DOCK1: variants seen among roughly 807,000 people sequenced by gnomAD.
DOCK1 encodes the protein dedicator of cytokinesis 1, also known as dedicator of cytokinesis protein 1.
DOCK1 carries 138 observed loss-of-function variants against 262.7 expected under a neutral mutation model. The observed-to-expected ratio is 0.53, with a 90% CI of 0.46 to 0.61. The LOEUF (loss-of-function observed/expected upper bound fraction) is 0.61, where lower values mean the gene tolerates loss of function less well. Among genes scored for constraint, DOCK1 ranks in the 20% least tolerant of loss-of-function variants. DOCK1 has a pLI of 0.00. For missense variants in DOCK1, 1,908 were observed against 2,370.7 expected (o/e 0.80, Z 4.05); for synonymous variants, 866 against 867.4 (o/e 1.00, Z 0.03).
chr10:127,442,786 A>T (rs1222933822), intron 49 of DOCK1, among the ~76,000 whole-genome samples: 1 of 152,220 alleles, frequency 6.6e-6, no homozygotes, highest in African/African-American at 2.4e-5. Context: ...GCCATGGAAC[A>T]GGCCATTGAT....
intron 46 of DOCK1, among the ~76,000 whole-genome samples, chr10:127,420,641 T>C (rs778281698): frequency 5.7e-4 from 87 of 152,162 alleles, no homozygotes; most frequent in Non-Finnish European, 1.1e-3. Flanking sequence ...GGCCCAGAGA[T>C]GCTGTGCAGT....
chr10:127,101,626 G>A (rs961233642), intron 23 of DOCK1, among the ~76,000 whole-genome samples: 23 of 152,316 alleles, frequency 1.5e-4, no homozygotes, highest in Middle Eastern at 3.4e-3. Context: ...ACCACGGCAG[G>A]GAAGACTTTG....
At chr10:127,255,416 AAAAC>A (rs2059797646) in intron 28 of DOCK1, among the ~76,000 whole-genome samples, 1 of 152,188 alleles carries the variant, frequency 6.6e-6, no homozygotes, top group Non-Finnish European at 1.5e-5. Flanking sequence ...AATAGAAACT[AAAAC>A]AAAAAATGCA....
chr10:127,358,000 T>G (rs1418441800), intron 32 of DOCK1, among the ~76,000 whole-genome samples: 1 of 152,152 alleles, frequency 6.6e-6, no homozygotes, highest in Non-Finnish European at 1.5e-5. Context: ...CATAGTTTTT[T>G]TTTTTTTATT....
intron 25 of DOCK1, among the ~76,000 whole-genome samples, chr10:127,114,481 A>C (rs1034018307): frequency 6.6e-6 from 1 of 152,160 alleles, no homozygotes; most frequent in African/African-American, 2.4e-5. Flanking sequence ...GAGAGGGAGA[A>C]GAGTGAGAGA....
intron 50 of DOCK1, 81 bp from the exon 51 acceptor site, chr10:127,447,313 G>C (rs1330547315): frequency 1.3e-6 from 2 of 1,544,464 alleles, no homozygotes; most frequent in African/African-American, 2.7e-5. Context: ...GCCTCTCTGG[G>C]AGGGAACGTG....
chr10:126,912,304 C>T (rs1185787173), intron 1 of DOCK1, among the ~76,000 whole-genome samples: 1 of 151,990 alleles, frequency 6.6e-6, no homozygotes, highest in Non-Finnish European at 1.5e-5. Flanking sequence ...GTGGCGGGCG[C>T]CTGTAATCCC....
chr10:127,277,710 C>T (rs2060793744), intron 29 of DOCK1, among the ~76,000 whole-genome samples: 1 of 152,078 alleles, frequency 6.6e-6, no homozygotes, highest in South Asian at 2.1e-4. Context: ...TTGCAGTAAG[C>T]CAGAACTGTA....
At chr10:127,274,223 T>G (rs972084096) in intron 29 of DOCK1, among the ~76,000 whole-genome samples, 5 of 152,096 alleles carry the variant, frequency 3.3e-5, no homozygotes, top group Non-Finnish European at 7.4e-5. Flanking sequence ...GAGCTTGGAT[T>G]TGGGGTTGTG....
chr10:127,307,902 G>A (rs959930035), intron 29 of DOCK1, among the ~76,000 whole-genome samples: 6 of 152,376 alleles, frequency 3.9e-5, no homozygotes, highest in Admixed American at 3.9e-4. Context: ...TGCAGAGAAT[G>A]AGTTCTGTGG....
At chr10:127,076,526 C>T (rs1051516906) in intron 23 of DOCK1, among the ~76,000 whole-genome samples, 3 of 152,102 alleles carry the variant, frequency 2.0e-5, no homozygotes, top group Non-Finnish European at 2.9e-5. Flanking sequence ...ATACCAAGAA[C>T]CAGAAAACGG....
Position 127,346,555 on chromosome 10 carries a change from G to A in DOCK1, c.3224+2809G>A, listed in dbSNP as rs371369429. Among the ~76,000 whole-genome samples the A allele has an allele frequency of 2.6e-5, 4 of 152,098 alleles. No individual in the cohort carries two copies. The East Asian group carries it at 7.7e-4, about 29-fold the overall frequency. ...GGGCTGCAGTGAGCCATGATCACAC[G>A]ACTGCGCTCCAGCCTGGCTGACAGA... On this transcript the variant is annotated intron_variant, in intron 31 of 51. Transcript: ENST00000623213.
chr10:127,443,049 G>A (rs914331454), intron 49 of DOCK1, among the ~76,000 whole-genome samples: 1 of 152,126 alleles, frequency 6.6e-6, no homozygotes, highest in African/African-American at 2.4e-5. Flanking sequence ...GATTCCTTCA[G>A]AGGCTGTGAG....
chr10:126,958,090 G>T (rs2036892784), intron 1 of DOCK1, among the ~76,000 whole-genome samples: 2 of 152,248 alleles, frequency 1.3e-5, no homozygotes, highest in South Asian at 4.2e-4. Context: ...GGGCTTGAGG[G>T]TACTTTCTGG....
Position 127,023,296 on chromosome 10 carries a change from T to G in DOCK1, c.1424T>G (p.Val475Gly). The stretch of plus-strand genomic sequence containing the variant: ...AAGAACGTGGAGGTCACGGTGTCTG[T>G]GTACGATGAGGATGGGAAACGATTA... ...TAKNVEVTVSVYDEDGKRLEH... is the reference protein window; with the variant it reads ...TAKNVEVTVSGYDEDGKRLEH... The change falls in exon 14 of 52, where the codon GTG becomes GGG. Residue 475 changes from valine to glycine, a missense_variant. Physicochemically the swap from Val to Gly is moderately radical, Grantham distance 109. Around this residue, in one of 9 missense-constraint regions of DOCK1, gnomAD observed 294 missense variants for 439.9 expected, o/e 0.67. Coordinates refer to ENST00000623213, the MANE Select transcript of DOCK1 (RefSeq NM_001290223.2). The G allele has an allele frequency of 6.2e-7, 1 of 1,613,226 alleles. No homozygotes were observed. Among genetic ancestry groups the G allele is most frequent in the South Asian group, 1.1e-5 (1 of 91,006 alleles).
chr10:127,149,270 GC>G (rs2052228794), intron 27 of DOCK1, among the ~76,000 whole-genome samples: 1 of 152,054 alleles, frequency 6.6e-6, no homozygotes, highest in African/African-American at 2.4e-5. Context: ...AAGAGAGAGG[GC>G]AGAGAAGCTC....
chr10:127,448,888 G>C (rs1191800800), intron 51 of DOCK1, among the ~76,000 whole-genome samples: 2 of 151,690 alleles, frequency 1.3e-5, no homozygotes, highest in African/African-American at 4.8e-5. Context: ...CTCGTTGACG[G>C]AGTGTTCCAC....
In DOCK1 at chr10:127,175,147, G is replaced by A. The variant is rs1177332981; in HGVS notation, c.2847+47383G>A. 7.3e-7 allele frequency: 1 copy of A among 1,374,158 alleles called. No individual in the cohort carries two copies. Among genetic ancestry groups the A allele is most frequent in the Non-Finnish European group, 1.0e-6 (1 of 990,058 alleles). The allele number at this position is 1,374,158 out of a possible 1,614,324, so 85.1% of individuals were successfully genotyped here. ...GTCTCATTACAGACTTGGGTTTGGG[G>A]CTACAGATGGACTCTGTGGTGATCA... On this transcript the variant is annotated intron_variant, in intron 27 of 51. Coordinates refer to ENST00000623213, the MANE Select transcript of DOCK1 (RefSeq NM_001290223.2). This position sits in a 1 kb window ranked among gnomAD's most constrained non-coding sequence, Gnocchi z 6.3.
chr10:126,964,378 A>G (rs1398754647), intron 1 of DOCK1, among the ~76,000 whole-genome samples: 2 of 152,332 alleles, frequency 1.3e-5, no homozygotes, highest in South Asian at 2.1e-4. Flanking sequence ...AGGTACCTGC[A>G]TGGACCAGGC....
Sources: gnomAD v4.1 joint callset for allele counts (sites outside exome capture counted in the v4.1 genomes callset) on GRCh38, gnomAD v4.1.1 for gene constraint, gnomAD v4.1.1 regional missense constraint, Gnocchi (gnomAD v3.1) non-coding constraint, MANE v1.5 for transcripts, NCBI Gene and HGNC (gene_info 2026-07-23, HGNC 2026-07-21) for gene names.